NKAIN2: variants seen among roughly 807,000 people sequenced by gnomAD.
The protein encoded by NKAIN2 is sodium/potassium-transporting ATPase subunit beta-1-interacting protein 2.
NKAIN2 carries 14 observed loss-of-function variants against 32.6 expected under a neutral mutation model. That is an observed-to-expected ratio of 0.43 (90% CI 0.28 to 0.67). The LOEUF (loss-of-function observed/expected upper bound fraction) is 0.67, where lower values mean the gene tolerates loss of function less well. Ranked by LOEUF, NKAIN2 falls within the 30% of genes least tolerant of loss-of-function variation. The pLI is 0.17. For missense variants in NKAIN2, 198 were observed against 258.3 expected, an observed-to-expected ratio of 0.77 and a Z score of 1.60; for synonymous variants, 80 against 87.2, an observed-to-expected ratio of 0.92 and a Z score of 0.46.
At chr6:124,426,866 C>A (rs1775003924) in intron 3 of NKAIN2, among the ~76,000 whole-genome samples, 2 of 152,108 alleles carry the variant, frequency 1.3e-5, no homozygotes, top group African/African-American at 4.8e-5. Context: ...AGGGGAGTTT[C>A]CCTGAACTAG....
chr6:124,519,068 A>G (rs532963825), intron 3 of NKAIN2, among the ~76,000 whole-genome samples: 2 of 152,324 alleles, frequency 1.3e-5, no homozygotes, highest in South Asian at 2.1e-4. Context: ...ATTGGCTGAC[A>G]GTCAAGTTGG....
At chr6:124,428,725 CT>C (rs766743136) in intron 3 of NKAIN2, among the ~76,000 whole-genome samples, 1 of 152,062 alleles carries the variant, frequency 6.6e-6, no homozygotes, top group Non-Finnish European at 1.5e-5. Flanking sequence ...GGAGATATGT[CT>C]TTTCCAAGAT....
chr6:124,748,872 G>C (rs562356152), intron 4 of NKAIN2, among the ~76,000 whole-genome samples: 2 of 145,322 alleles, frequency 1.4e-5, no homozygotes, highest in African/African-American at 5.0e-5. Flanking sequence ...AAAGAAGTGT[G>C]CAAGTATATT....
At chr6:124,096,111 G>A (rs1184072795) in intron 1 of NKAIN2, among the ~76,000 whole-genome samples, 2 of 152,134 alleles carry the variant, frequency 1.3e-5, no homozygotes, top group Non-Finnish European at 2.9e-5. Flanking sequence ...ATAAATAATT[G>A]CAGCATCTAC....
intron 1 of NKAIN2, among the ~76,000 whole-genome samples, chr6:123,979,598 C>A (rs1778800827): frequency 6.6e-6 from 1 of 152,084 alleles, no homozygotes; most frequent in Non-Finnish European, 1.5e-5. Context: ...TTTAAGAAGA[C>A]CCGCACCTGA....
At chr6:124,587,488 G>T (rs568473343) in intron 3 of NKAIN2, among the ~76,000 whole-genome samples, 353 of 152,142 alleles carry the variant, frequency 2.3e-3, no homozygotes, top group African/African-American at 6.9e-3. Flanking sequence ...AAAGAGCAGG[G>T]ATTACAGATG....
At chr6:124,026,208 T>C (rs1781105520) in intron 1 of NKAIN2, among the ~76,000 whole-genome samples, 1 of 152,202 alleles carries the variant, frequency 6.6e-6, no homozygotes, top group South Asian at 2.1e-4. Flanking sequence ...TAAAACTTTT[T>C]AAAAATGAAT....
chr6:124,277,622 T>C (rs1795099333), intron 1 of NKAIN2, among the ~76,000 whole-genome samples: 1 of 152,160 alleles, frequency 6.6e-6, no homozygotes, highest in South Asian at 2.1e-4. Context: ...AAGTCCACTT[T>C]GTCAATGCAA....
rs1280447545 is a variant in NKAIN2, at chr6:124,208,913, C to T, written c.55-74092C>T. Among the ~76,000 whole-genome samples, 4 of 151,496 alleles carry T rather than the reference C, an allele frequency of 2.6e-5. No individual in the cohort carries two copies. In the South Asian group the frequency reaches 6.2e-4, roughly 24 times the overall value. On this transcript the variant is annotated intron_variant, in intron 1 of 6. Transcript: ENST00000368417. ...GGTATAGAATGTGCAATGATCAAAT[C>T]AAAGTACTTGGGGTATCCATCATCT...
intron 2 of NKAIN2, among the ~76,000 whole-genome samples, chr6:124,318,215 A>G (rs1797040568): frequency 6.6e-6 from 1 of 152,040 alleles, no homozygotes; most frequent in Non-Finnish European, 1.5e-5. Flanking sequence ...CAGATTACAA[A>G]TGTAGTATTC....
chr6:124,178,398 C>T (rs802298), intron 1 of NKAIN2, among the ~76,000 whole-genome samples: 135,122 of 151,274 alleles, frequency 0.89, 60,377 homozygotes, highest in South Asian at 0.94. Context: ...CCTGGGTTCA[C>T]GCCATTCTCC....
At chr6:124,265,433 T>C (rs1794450188) in intron 1 of NKAIN2, among the ~76,000 whole-genome samples, 1 of 152,208 alleles carries the variant, frequency 6.6e-6, no homozygotes, top group Admixed American at 6.5e-5. Context: ...ACATAGCACA[T>C]ACCATTGTTG....
chr6:124,044,761 T>A (rs866196893), intron 1 of NKAIN2, among the ~76,000 whole-genome samples: 2 of 152,098 alleles, frequency 1.3e-5, no homozygotes, highest in South Asian at 2.1e-4. Context: ...ACTACTAACC[T>A]TTCTTCTGAG....
At chr6:124,063,570 A>AC (rs1054224852) in intron 1 of NKAIN2, among the ~76,000 whole-genome samples, 12 of 152,156 alleles carry the variant, frequency 7.9e-5, no homozygotes, top group Admixed American at 5.9e-4. Context: ...TATGTAAAGG[A>AC]TTAGCCCAGT....
chr6:124,171,690 A>G (rs1293489758), intron 1 of NKAIN2, among the ~76,000 whole-genome samples: 1 of 151,480 alleles, frequency 6.6e-6, no homozygotes, highest in Non-Finnish European at 1.5e-5. Context: ...AACTGGGACT[A>G]CAGGCACATG....
At chr6:123,881,508 A>G (rs935099774) in intron 1 of NKAIN2, among the ~76,000 whole-genome samples, 1 of 152,172 alleles carries the variant, frequency 6.6e-6, no homozygotes, top group Non-Finnish European at 1.5e-5. Context: ...CATAATTTGG[A>G]TTGCTCAGTA....
intron 3 of NKAIN2, among the ~76,000 whole-genome samples, chr6:124,401,036 C>T (rs1275956086): frequency 1.3e-5 from 2 of 152,120 alleles, no homozygotes; most frequent in African/African-American, 2.4e-5. Context: ...TTGTTTGACA[C>T]AATGCATTGG....
chr6:124,394,368 G>A (rs1168332124), intron 3 of NKAIN2, among the ~76,000 whole-genome samples: 1 of 151,748 alleles, frequency 6.6e-6, no homozygotes, highest in African/African-American at 2.4e-5. Context: ...AATACTATAG[G>A]ATCAAAAAGA....
chr6:124,690,234 T>C (rs957296396), intron 4 of NKAIN2, among the ~76,000 whole-genome samples: 7 of 152,126 alleles, frequency 4.6e-5, no homozygotes, highest in African/African-American at 1.7e-4. Flanking sequence ...TGCTTTTAAT[T>C]TCAAATTTTA....
Sources: gnomAD v4.1 joint callset for allele counts (sites outside exome capture counted in the v4.1 genomes callset) on GRCh38, gnomAD v4.1.1 for gene constraint, MANE v1.5 for transcripts, NCBI Gene and HGNC (gene_info 2026-07-23, HGNC 2026-07-21) for gene names.